Variants in RGS7BP observed in about 807,000 individuals in gnomAD.
The protein encoded by RGS7BP is regulator of G protein signaling 7 binding protein.
RGS7BP carries 9 observed loss-of-function variants against 31.3 expected under a neutral mutation model. The observed-to-expected ratio is 0.29, with a 90% CI of 0.17 to 0.50. The LOEUF is 0.50. Among genes scored for constraint, RGS7BP ranks in the 20% least tolerant of loss-of-function variants. RGS7BP has a pLI of 0.98. For synonymous variants in RGS7BP, 115 were observed against 120.1 expected (o/e 0.96, Z 0.28); for missense variants, 274 against 322.0 (o/e 0.85, Z 1.14).
In RGS7BP at chr5:64,611,098, G is replaced by A. The variant is rs1333267561; in HGVS notation, c.*1846G>A. 2.0e-5 allele frequency: 3 copies of A among 151,828 alleles called. No individual in the cohort carries two copies. In the East Asian group the frequency reaches 5.8e-4, roughly 29 times the overall value. The allele number at this position is 151,828 out of a possible 1,614,324, so 9.4% of individuals were successfully genotyped here. On this transcript the variant is annotated 3_prime_UTR_variant, in exon 6 of 6. Transcript: ENST00000334025. ...CAATTTGGCTATTTAAAGACTCTTA[G>A]GGTAAATACTCCCTGGAAAAGCAAG...
chr5:64,515,383 AGCAGGCAGT>A (rs1234978097), intron 2 of RGS7BP, among the ~76,000 whole-genome samples: 3 of 152,254 alleles, frequency 2.0e-5, no homozygotes, highest in Non-Finnish European at 4.4e-5. Context: ...AAAACAAATC[AGCAGGCAGT>A]GTGTATCTTA....
intron 2 of RGS7BP, among the ~76,000 whole-genome samples, chr5:64,560,869 C>T (rs1405344118): frequency 1.3e-5 from 2 of 152,104 alleles, no homozygotes; most frequent in Non-Finnish European, 2.9e-5. Context: ...TCTTGTCTCT[C>T]CTTGGGAAAA....
At chr5:64,546,490 C>T (rs1441712765) in intron 2 of RGS7BP, among the ~76,000 whole-genome samples, 1 of 152,100 alleles carries the variant, frequency 6.6e-6, no homozygotes, top group Non-Finnish European at 1.5e-5. Flanking sequence ...CGAAAACAGT[C>T]CCTTACATTT....
intron 3 of RGS7BP, among the ~76,000 whole-genome samples, chr5:64,579,879 T>C (rs1426336314): frequency 2.0e-5 from 3 of 152,224 alleles, no homozygotes; most frequent in Non-Finnish European, 2.9e-5. Flanking sequence ...ATTAATACTT[T>C]GGACTCCTGG....
intron 5 of RGS7BP, among the ~76,000 whole-genome samples, chr5:64,600,245 C>G (rs1743183903): frequency 6.6e-6 from 1 of 152,088 alleles, no homozygotes; most frequent in Non-Finnish European, 1.5e-5. Context: ...TTCAGCTTTC[C>G]TAGAGGATGG....
chr5:64,601,991 C>T (rs528508303), intron 5 of RGS7BP, among the ~76,000 whole-genome samples: 3 of 152,240 alleles, frequency 2.0e-5, no homozygotes, highest in Admixed American at 1.3e-4. Context: ...ATGCCATGCA[C>T]GAGAATCAGT....
chr5:64,568,824 T>G (rs1742233671), intron 2 of RGS7BP, among the ~76,000 whole-genome samples: 1 of 151,748 alleles, frequency 6.6e-6, no homozygotes, highest in African/African-American at 2.4e-5. Flanking sequence ...AATATAGTTT[T>G]TACTTTTTAA....
At chr5:64,546,098 G>A (rs535611950) in intron 2 of RGS7BP, among the ~76,000 whole-genome samples, 16 of 152,258 alleles carry the variant, frequency 1.1e-4, no homozygotes, top group Non-Finnish European at 1.6e-4. Context: ...AGGTTGCGGT[G>A]AGCCAAGATC....
intron 3 of RGS7BP, among the ~76,000 whole-genome samples, chr5:64,585,509 G>C (rs2111929376): frequency 6.6e-6 from 1 of 152,110 alleles, no homozygotes; most frequent in African/African-American, 2.4e-5. Context: ...TAAGAGATGA[G>C]AAGGAAAGGG....
At chr5:64,532,526 A>G (rs1006588193) in intron 2 of RGS7BP, among the ~76,000 whole-genome samples, 3 of 152,180 alleles carry the variant, frequency 2.0e-5, no homozygotes, top group Non-Finnish European at 4.4e-5. Context: ...AGGAGCACCT[A>G]TGTTTGCTTT....
intron 2 of RGS7BP, among the ~76,000 whole-genome samples, chr5:64,521,608 C>T (rs1463294283): frequency 6.6e-6 from 1 of 152,150 alleles, no homozygotes; most frequent in East Asian, 1.9e-4. Flanking sequence ...GATTTTTCAT[C>T]TTTTATACCA....
Position 64,555,032 on chromosome 5 carries a change from G to C in RGS7BP, c.333-20742G>C, listed in dbSNP as rs534232616. On this transcript the variant is annotated intron_variant, in intron 2 of 5. Transcript: ENST00000334025. ...TATAGAAAATATAAAAAGGGATTAA[G>C]AAGACATGAAGACCAGAATGAGAAG... 2.0e-5 allele frequency among the ~76,000 whole-genome samples: 3 copies of C among 152,050 alleles called. No individual in the cohort carries two copies. In the East Asian group the frequency reaches 5.8e-4, roughly 29 times the overall value.
chr5:64,525,493 G>A (rs976490451), intron 2 of RGS7BP, among the ~76,000 whole-genome samples: 2 of 152,234 alleles, frequency 1.3e-5, no homozygotes, highest in African/African-American at 4.8e-5. Flanking sequence ...TGAAAGGGTG[G>A]ACCCCACTAT....
chr5:64,522,708 A>G (rs1749138651), intron 2 of RGS7BP, among the ~76,000 whole-genome samples: 1 of 152,200 alleles, frequency 6.6e-6, no homozygotes, highest in Non-Finnish European at 1.5e-5. Flanking sequence ...CTGAGGATGA[A>G]ATATGTTTTA....
intron 3 of RGS7BP, among the ~76,000 whole-genome samples, chr5:64,592,065 G>A (rs941450497): frequency 3.3e-5 from 5 of 152,280 alleles, no homozygotes; most frequent in Middle Eastern, 6.8e-3. Context: ...ATGTAATGTG[G>A]TGGAGAAGAA....
At chr5:64,592,687 G>A (rs1267421535) in intron 3 of RGS7BP, among the ~76,000 whole-genome samples, 3 of 152,114 alleles carry the variant, frequency 2.0e-5, no homozygotes, top group African/African-American at 7.2e-5. Flanking sequence ...CCCAAAGCTA[G>A]ACAAAGCCCA....
intron 2 of RGS7BP, among the ~76,000 whole-genome samples, chr5:64,516,309 C>CATATGGGGTA (rs1748974476): frequency 6.6e-6 from 1 of 152,130 alleles, no homozygotes; most frequent in African/African-American, 2.4e-5. Flanking sequence ...GTGCCCCCAC[C>CATATGGGGTA]CCTATCCCAT....
intron 2 of RGS7BP, 179 bp from the exon 3 acceptor site, chr5:64,575,595 A>G: frequency 8.5e-7 from 1 of 1,173,594 alleles, no homozygotes; most frequent in Non-Finnish European, 1.1e-6. Context: ...TTAGTCAGAA[A>G]GAGACTTACA....
chr5:64,572,059 T>C (rs561963880), intron 2 of RGS7BP, among the ~76,000 whole-genome samples: 8 of 152,266 alleles, frequency 5.3e-5, no homozygotes, highest in Admixed American at 2.0e-4. Flanking sequence ...ACCTAAACTC[T>C]GATTAATTAG....
Sources: gnomAD v4.1 joint callset for allele counts (sites outside exome capture counted in the v4.1 genomes callset) on GRCh38, gnomAD v4.1.1 for gene constraint, MANE v1.5 for transcripts, NCBI Gene and HGNC (gene_info 2026-07-23, HGNC 2026-07-21) for gene names.